PABPC4L: variants seen among roughly 807,000 people sequenced by gnomAD.
PABPC4L encodes the protein poly(A) binding protein cytoplasmic 4 like.
For synonymous variants in PABPC4L, 169 were observed against 164.1 expected (o/e 1.03, Z -0.23); for missense variants, 452 against 451.4 (o/e 1.00, Z -0.01).
the PABPC4L span, among the ~76,000 whole-genome samples, chr4:133,962,919 A>G: frequency 6.6e-6 from 1 of 152,292 alleles, no homozygotes; most frequent in African/African-American, 2.4e-5. Context: ...ATAAATACAC[A>G]GGATCTATAA....
the PABPC4L span, among the ~76,000 whole-genome samples, chr4:134,012,298 A>G: frequency 1.3e-5 from 2 of 152,100 alleles, no homozygotes; most frequent in Non-Finnish European, 2.9e-5. Context: ...GACTTAACTG[A>G]TGACATTCCA....
the PABPC4L span, among the ~76,000 whole-genome samples, chr4:133,999,683 G>A: frequency 6.6e-6 from 1 of 151,862 alleles, no homozygotes; most frequent in East Asian, 1.9e-4. Flanking sequence ...AATACAAGGG[G>A]AAAAAAGTTT....
the PABPC4L span, among the ~76,000 whole-genome samples, chr4:134,090,322 T>C: frequency 1.3e-5 from 2 of 152,180 alleles, no homozygotes; most frequent in East Asian, 1.9e-4. Flanking sequence ...AATTCAAACA[T>C]GTTATATACT....
the PABPC4L span, among the ~76,000 whole-genome samples, chr4:134,015,395 C>T: frequency 6.6e-6 from 1 of 152,132 alleles, no homozygotes; most frequent in Non-Finnish European, 1.5e-5. Flanking sequence ...CTCCACAATC[C>T]ATTATTCTGT....
chr4:134,136,574 ATT>A, the PABPC4L span, among the ~76,000 whole-genome samples: 1 of 151,828 alleles, frequency 6.6e-6, no homozygotes, highest in African/African-American at 2.4e-5. Context: ...GTTTTATTAT[ATT>A]CTTTAGGATT....
the PABPC4L span, among the ~76,000 whole-genome samples, chr4:134,140,862 A>G: frequency 6.6e-6 from 1 of 151,728 alleles, no homozygotes; most frequent in African/African-American, 2.4e-5. Flanking sequence ...TGGAAATAAA[A>G]TAAGTCCTTA....
the PABPC4L span, among the ~76,000 whole-genome samples, chr4:133,964,902 T>G: frequency 1.3e-5 from 2 of 152,062 alleles, no homozygotes; most frequent in Non-Finnish European, 2.9e-5. Context: ...CTCTGAGAAC[T>G]GGAACAAGAC....
chr4:134,100,459 C>T, the PABPC4L span, among the ~76,000 whole-genome samples: 8 of 151,486 alleles, frequency 5.3e-5, no homozygotes, highest in Non-Finnish European at 7.4e-5. Flanking sequence ...TAAAAAAATA[C>T]GTTCATTTCA....
Position 134,198,735 on chromosome 4 carries a change from A to G in PABPC4L, c.*1172T>C, listed in dbSNP as rs1417370949. ...AAAATCCTTTAGAAAGTATTTTAAA[A>G]AGCTGAGGAATATAGATGAAAGGCA... On this transcript the variant is annotated 3_prime_UTR_variant, in exon 2 of 2. Coordinates refer to ENST00000421491, the MANE Select transcript of PABPC4L (RefSeq NM_001114734.2). 6.6e-6 allele frequency: 1 copy of G among 151,982 alleles called. No individual in the cohort carries two copies. The highest frequency in any genetic ancestry group is 2.4e-5 in the African/African-American group (1 of 41,454). 9.4% of individuals were successfully genotyped at this position (151,982 alleles called of 1,614,324 possible). A position where few individuals can be genotyped will look rare whatever the true frequency, so the allele number is the denominator to read the frequency against.
At chr4:134,078,014 C>CA in the PABPC4L span, among the ~76,000 whole-genome samples, 1 of 151,848 alleles carries the variant, frequency 6.6e-6, no homozygotes, top group South Asian at 2.1e-4. Flanking sequence ...ACTTGCAGGA[C>CA]AAAAAAGATA....
At chr4:134,101,639 TG>T in the PABPC4L span, among the ~76,000 whole-genome samples, 1 of 151,606 alleles carries the variant, frequency 6.6e-6, no homozygotes, top group East Asian at 1.9e-4. Context: ...TTTATACAGC[TG>T]TGGGAATTAA....
At chr4:134,038,539 T>C in the PABPC4L span, among the ~76,000 whole-genome samples, 2 of 152,230 alleles carry the variant, frequency 1.3e-5, no homozygotes, top group Non-Finnish European at 2.9e-5. Context: ...TTCTTTCTGG[T>C]TTAGTCTTGG....
the PABPC4L span, among the ~76,000 whole-genome samples, chr4:134,079,578 C>A: frequency 4.4e-5 from 4 of 90,688 alleles, no homozygotes; most frequent in Non-Finnish European, 4.3e-5. Flanking sequence ...GACTTCCTCT[C>A]AAAAAAAAAA....
the PABPC4L span, among the ~76,000 whole-genome samples, chr4:134,133,406 A>G: frequency 1.9e-4 from 28 of 144,380 alleles, no homozygotes; most frequent in Admixed American, 1.6e-3. Flanking sequence ...AATATTATAT[A>G]TTATTATATG....
At chr4:134,103,015 G>A in the PABPC4L span, among the ~76,000 whole-genome samples, 1 of 151,438 alleles carries the variant, frequency 6.6e-6, no homozygotes, top group Non-Finnish European at 1.5e-5. Context: ...ACATGTGGAA[G>A]GTTCAGAATA....
At chr4:134,041,752 A>G in the PABPC4L span, among the ~76,000 whole-genome samples, 1 of 152,120 alleles carries the variant, frequency 6.6e-6, no homozygotes, top group East Asian at 1.9e-4. Context: ...CAGAATGTTC[A>G]TTACTGAAAA....
the PABPC4L span, among the ~76,000 whole-genome samples, chr4:134,137,494 T>G: frequency 6.6e-6 from 1 of 151,920 alleles, no homozygotes; most frequent in African/African-American, 2.4e-5. Context: ...TTCAGGAAGG[T>G]CAAATACCGA....
the PABPC4L span, among the ~76,000 whole-genome samples, chr4:134,018,387 T>C: frequency 2.3e-4 from 35 of 152,258 alleles, no homozygotes; most frequent in African/African-American, 7.9e-4. Flanking sequence ...ATGAAAATGG[T>C]ATATGTGCAG....
chr4:134,112,684 G>T, the PABPC4L span, among the ~76,000 whole-genome samples: 1 of 151,202 alleles, frequency 6.6e-6, no homozygotes, highest in African/African-American at 2.4e-5. Flanking sequence ...TATATATAAT[G>T]GTTAACATAT....
Sources: gnomAD v4.1 joint callset for allele counts (sites outside exome capture counted in the v4.1 genomes callset) on GRCh38, gnomAD v4.1.1 for gene constraint, MANE v1.5 for transcripts, NCBI Gene and HGNC (gene_info 2026-07-23, HGNC 2026-07-21) for gene names.